KCNK18: variants seen among roughly 807,000 people sequenced by gnomAD.
The protein encoded by KCNK18 is potassium two pore domain channel subfamily K member 18.
In KCNK18, 8 loss-of-function variants were observed where a neutral mutation model predicts 11.8. The ratio of observed to expected loss-of-function variants is 0.68; its 90% CI spans 0.40 to 1.22. The LOEUF is 1.22. KCNK18 is among the 50% of genes most tolerant of loss of function. KCNK18 has a pLI of 0.01. For missense variants in KCNK18, 442 were observed against 465.4 expected, an observed-to-expected ratio of 0.95 and a Z score of 0.46; for synonymous variants, 208 against 185.8, an observed-to-expected ratio of 1.12 and a Z score of -0.97.
intron 1 of KCNK18, 53 bp downstream of exon 1, chr10:117,197,764 C>G: frequency 6.6e-7 from 1 of 1,517,410 alleles, no homozygotes; most frequent in Admixed American, 1.7e-5. Flanking sequence ...GGCAGCAGTC[C>G]CCCAAGAGCA....
intron 2 of KCNK18, among the ~76,000 whole-genome samples, chr10:117,202,031 G>T (rs913088763): frequency 1.3e-5 from 2 of 152,238 alleles, no homozygotes; most frequent in African/African-American, 4.8e-5. Context: ...TTGGGTCAGA[G>T]CCCTCACCAG....
At chr10:117,197,975 C>T (rs368786205) in intron 1 of KCNK18, among the ~76,000 whole-genome samples, 113 of 152,276 alleles carry the variant, frequency 7.4e-4, no homozygotes, top group African/African-American at 2.7e-3. Context: ...AGACCAGCTC[C>T]CCTTCCTGTG....
chr10:117,204,515 C>A (rs1855054548), intron 2 of KCNK18, among the ~76,000 whole-genome samples: 1 of 152,104 alleles, frequency 6.6e-6, no homozygotes, highest in South Asian at 2.1e-4. Context: ...CTCTGGGGGG[C>A]AAAATTGCCC....
intron 2 of KCNK18, among the ~76,000 whole-genome samples, chr10:117,203,219 C>T (rs1252445440): frequency 6.6e-6 from 1 of 152,016 alleles, no homozygotes; most frequent in Non-Finnish European, 1.5e-5. Context: ...GGGTGAGGGA[C>T]AGAAAGAATA....
intron 1 of KCNK18, among the ~76,000 whole-genome samples, chr10:117,200,411 G>C (rs934796101): frequency 6.6e-6 from 1 of 152,214 alleles, no homozygotes; most frequent in African/African-American, 2.4e-5. Flanking sequence ...CCAGGAGTGG[G>C]TATGATTTGC....
chr10:117,203,971 T>C (rs927626876), intron 2 of KCNK18, among the ~76,000 whole-genome samples: 2 of 152,152 alleles, frequency 1.3e-5, no homozygotes, highest in African/African-American at 4.8e-5. Flanking sequence ...TGATCCACCA[T>C]GCCTAGCCTC....
Position 117,201,181 on chromosome 10 carries a change from T to C in KCNK18, c.246T>C (p.Asp82=). ...SETVVEDRKQ[D]LQGHLQKVKP... ...CAGTGGTGGAAGACAGAAAACAGGATCTCCAGGGGCATCTGCAGAAGGTGA... is the reference window on the plus strand; with the variant it reads ...CAGTGGTGGAAGACAGAAAACAGGACCTCCAGGGGCATCTGCAGAAGGTGA... Residue 82 remains aspartate (D), a synonymous_variant, in exon 2 of 3, where the codon GAT becomes GAC. Coordinates refer to ENST00000334549, the MANE Select transcript of KCNK18 (RefSeq NM_181840.1). The C allele has an allele frequency of 6.2e-7, 1 of 1,614,130 alleles. No individual in the cohort carries two copies. The highest frequency in any genetic ancestry group is 1.1e-5 in the South Asian group (1 of 91,082).
rs527704517 is a variant in KCNK18 at position 117,208,312 on chromosome 10, A to T, written c.353-1185A>T. On this transcript the variant is annotated intron_variant, in intron 2 of 2. Coordinates refer to ENST00000334549, the MANE Select transcript of KCNK18 (RefSeq NM_181840.1). ...GACACCCAGCCCACAGGAAGTGCTC[A>T]CTAGGCAGCTAAGGTCTTGAGGGTG... Among the ~76,000 whole-genome samples the T allele has an allele frequency of 3.3e-4, 51 of 152,290 alleles. 1 individual carries two copies. In the South Asian group the frequency reaches 0.01, roughly 31 times the overall value.
At chr10:117,200,320 C>T (rs760411939) in intron 1 of KCNK18, among the ~76,000 whole-genome samples, 14 of 152,246 alleles carry the variant, frequency 9.2e-5, no homozygotes, top group Admixed American at 5.2e-4. Flanking sequence ...TCAAATGATC[C>T]GCCCACCTTA....
chr10:117,205,103 T>C (rs1201281777), intron 2 of KCNK18, among the ~76,000 whole-genome samples: 1 of 152,190 alleles, frequency 6.6e-6, no homozygotes, highest in African/African-American at 2.4e-5. Flanking sequence ...CTGGGTCATC[T>C]GAAATGCACC....
chr10:117,199,977 T>A (rs17095824), intron 1 of KCNK18, among the ~76,000 whole-genome samples: 10,161 of 152,236 alleles, frequency 0.067, 556 homozygotes, highest in Admixed American at 0.16. Context: ...TTGGAACCAA[T>A]GTGTAGGAAG....
intron 2 of KCNK18, among the ~76,000 whole-genome samples, chr10:117,203,537 TTTG>T (rs1855039566): frequency 6.6e-6 from 1 of 152,128 alleles, no homozygotes; most frequent in Non-Finnish European, 1.5e-5. Flanking sequence ...AGTTTGTCTT[TTTG>T]TTTTCCTCAA....
chr10:117,200,770 C>G (rs1855003798), intron 1 of KCNK18, among the ~76,000 whole-genome samples: 1 of 151,886 alleles, frequency 6.6e-6, no homozygotes, highest in Non-Finnish European at 1.5e-5. Flanking sequence ...CGAGATCACA[C>G]CACTGCACTC....
At chr10:117,209,433 A>T in intron 2 of KCNK18, 64 bp from the exon 3 acceptor site, 1 of 1,372,662 alleles carries the variant, frequency 7.3e-7, no homozygotes, top group African/African-American at 1.4e-5. Flanking sequence ...GGTCTCTTTA[A>T]AGCTTTTGGG....
intron 1 of KCNK18, 108 bp from the exon 2 acceptor site, chr10:117,201,051 G>A (rs1214843922): frequency 4.3e-6 from 6 of 1,382,568 alleles, no homozygotes; most frequent in African/African-American, 1.4e-5. Context: ...CTGACCACAA[G>A]GCAAAGGGGC....
chr10:117,203,363 G>A (rs1855037590), intron 2 of KCNK18, among the ~76,000 whole-genome samples: 1 of 152,094 alleles, frequency 6.6e-6, no homozygotes, highest in Non-Finnish European at 1.5e-5. Context: ...GCTCTAAGAG[G>A]GAATCACTGT....
At chr10:117,205,110 C>G (rs564816578) in intron 2 of KCNK18, among the ~76,000 whole-genome samples, 1 of 152,298 alleles carries the variant, frequency 6.6e-6, no homozygotes, top group East Asian at 1.9e-4. Context: ...ATCTGAAATG[C>G]ACCTGGCCTT....
chr10:117,200,090 T>C (rs1029162070), intron 1 of KCNK18, among the ~76,000 whole-genome samples: 1 of 152,150 alleles, frequency 6.6e-6, no homozygotes, highest in Non-Finnish European at 1.5e-5. Flanking sequence ...TTTATTTTTA[T>C]TTTTCTAGAT....
chr10:117,200,871 A>G (rs1564989773), intron 1 of KCNK18, among the ~76,000 whole-genome samples: 1 of 151,628 alleles, frequency 6.6e-6, no homozygotes, highest in Non-Finnish European at 1.5e-5. Flanking sequence ...GGCAAAGACT[A>G]CACAGCAATG....
Sources: gnomAD v4.1 joint callset for allele counts (sites outside exome capture counted in the v4.1 genomes callset) on GRCh38, gnomAD v4.1.1 for gene constraint, MANE v1.5 for transcripts, NCBI Gene and HGNC (gene_info 2026-07-23, HGNC 2026-07-21) for gene names.